Variants in FBXO34 observed in about 807,000 individuals in gnomAD.
FBXO34 encodes the protein F-box only protein 34.
In FBXO34, 12 loss-of-function variants were observed where a neutral mutation model predicts 24.5. The ratio of observed to expected loss-of-function variants is 0.49; its 90% CI spans 0.31 to 0.79. The LOEUF is 0.79. Among genes scored for constraint, FBXO34 ranks in the 30% least tolerant of loss-of-function variants. The pLI, the probability that FBXO34 is intolerant of heterozygous loss-of-function variation, is 0.04. For synonymous variants in FBXO34, 320 were observed against 311.9 expected (o/e 1.03, Z -0.27); for missense variants, 823 against 857.7 (o/e 0.96, Z 0.51).
chr14:55,395,920 G>C, the FBXO34 span: 22 of 1,519,992 alleles, frequency 1.4e-5, no homozygotes, highest in Non-Finnish European at 1.9e-5. Context: ...CAAGTAAAAA[G>C]AACATGTATT....
downstream of FBXO34, among the ~76,000 whole-genome samples, chr14:55,356,194 TA>T (rs371843960): frequency 2.0e-5 from 3 of 152,338 alleles, no homozygotes; most frequent in African/African-American, 7.2e-5. Flanking sequence ...GCACTGTTTT[TA>T]TGTGAGTGTT....
chr14:55,326,606 T>C (rs1883349648), intron 1 of FBXO34, among the ~76,000 whole-genome samples: 1 of 152,176 alleles, frequency 6.6e-6, no homozygotes, highest in African/African-American at 2.4e-5. Context: ...GCGTAAGAAA[T>C]AAATTTCCCA....
At chr14:55,424,390 T>C in the FBXO34 span, 2 of 567,044 alleles carry the variant, frequency 3.5e-6, no homozygotes, top group Non-Finnish European at 6.3e-6. Flanking sequence ...ACTTTTTAAC[T>C]ATCTTGATGA....
chr14:55,405,945 A>C, the FBXO34 span, among the ~76,000 whole-genome samples: 2 of 151,756 alleles, frequency 1.3e-5, no homozygotes, highest in Admixed American at 6.6e-5. Flanking sequence ...ATTGTTCAGG[A>C]CTGGGGGCAA....
the FBXO34 span, chr14:55,380,743 CTAA>C: frequency 1.6e-6 from 2 of 1,229,074 alleles, no homozygotes; most frequent in Non-Finnish European, 1.2e-6. Context: ...AACAAAACTA[CTAA>C]TAATCCACGA....
chr14:55,298,172 C>A (rs954087477), intron 1 of FBXO34, among the ~76,000 whole-genome samples: 3 of 151,800 alleles, frequency 2.0e-5, no homozygotes, highest in East Asian at 1.9e-4. Flanking sequence ...TACTGCCCAA[C>A]ACAAATTTGT....
the FBXO34 span, chr14:55,440,287 C>G: frequency 1.5e-6 from 2 of 1,372,506 alleles, no homozygotes; most frequent in Non-Finnish European, 2.0e-6. Context: ...GGAAACCAAG[C>G]CCGCCTCTTA....
At chr14:55,367,819 T>A (rs559672610) in exon 3 of FBXO34, 9 of 151,770 alleles carry the variant, frequency 5.9e-5, no homozygotes, top group Non-Finnish European at 2.9e-5. Context: ...AGCCAAGGAA[T>A]TTGTGACTAC....
chr14:55,323,233 T>A (rs1441922138), intron 1 of FBXO34, among the ~76,000 whole-genome samples: 8 of 102,028 alleles, frequency 7.8e-5, no homozygotes, highest in East Asian at 4.9e-4. Flanking sequence ...ATATTTTTTT[T>A]TTTTTTTTTT....
intron 1 of FBXO34, among the ~76,000 whole-genome samples, chr14:55,328,248 A>G (rs1163014318): frequency 1.3e-5 from 2 of 152,120 alleles, no homozygotes. Flanking sequence ...ATGAGCCACC[A>G]TACCTGGCCG....
At chr14:55,426,038 G>A in the FBXO34 span, among the ~76,000 whole-genome samples, 1 of 152,144 alleles carries the variant, frequency 6.6e-6, no homozygotes, top group African/African-American at 2.4e-5. Flanking sequence ...AAGTCGAGGT[G>A]GGTGGATCGC....
chr14:55,439,652 C>G, the FBXO34 span, among the ~76,000 whole-genome samples: 1 of 137,562 alleles, frequency 7.3e-6, no homozygotes, highest in Non-Finnish European at 1.5e-5. Flanking sequence ...AAAAATTAGC[C>G]GGGCATGGTG....
the FBXO34 span, among the ~76,000 whole-genome samples, chr14:55,412,884 C>A: frequency 6.6e-5 from 10 of 152,114 alleles, no homozygotes; most frequent in Non-Finnish European, 1.5e-5. Context: ...TGGTAAAGGA[C>A]GTAATCACTG....
chr14:55,307,740 G>A (rs1287534056), intron 1 of FBXO34, among the ~76,000 whole-genome samples: 1 of 152,150 alleles, frequency 6.6e-6, no homozygotes, highest in Non-Finnish European at 1.5e-5. Flanking sequence ...AATTAGAAAA[G>A]TTTCCTTGTT....
chr14:55,437,524 A>T, the FBXO34 span, among the ~76,000 whole-genome samples: 1 of 152,236 alleles, frequency 6.6e-6, no homozygotes, highest in Non-Finnish European at 1.5e-5. Context: ...GAAACAGAAA[A>T]GAATATTTTA....
At chr14:55,425,423 G>T in the FBXO34 span, among the ~76,000 whole-genome samples, 1 of 152,178 alleles carries the variant, frequency 6.6e-6, no homozygotes, top group African/African-American at 2.4e-5. Flanking sequence ...TTAGAAAAGA[G>T]AAAACAAAAA....
intron 1 of FBXO34, among the ~76,000 whole-genome samples, chr14:55,280,136 A>G (rs539494114): frequency 6.6e-6 from 1 of 152,352 alleles, no homozygotes; most frequent in East Asian, 1.9e-4. Flanking sequence ...TATGTAAAAT[A>G]TATTAGTACA....
chr14:55,284,011 T>TGTGTGTG, intron 1 of FBXO34, among the ~76,000 whole-genome samples: 1 of 151,816 alleles, frequency 6.6e-6, no homozygotes, highest in South Asian at 2.1e-4. Flanking sequence ...TGTGTATGTA[T>TGTGTGTG]TTTTAGAGGT....
At chr14:55,435,804 T>A in the FBXO34 span, 1 of 1,318,066 alleles carries the variant, frequency 7.6e-7, no homozygotes, top group South Asian at 1.3e-5. Flanking sequence ...AAAGTAAATC[T>A]AAAGAGAAGC....
Sources: allele counts gnomAD v4.1 joint callset (sites outside exome capture counted in the v4.1 genomes callset), GRCh38; gene constraint gnomAD v4.1.1; transcripts MANE v1.5; gene names NCBI Gene and HGNC (gene_info 2026-07-23, HGNC 2026-07-21).